The following HERC3 variants were observed in gnomAD, a reference collection of about 807,000 sequenced individuals.
HERC3 encodes the protein probable E3 ubiquitin-protein ligase HERC3.
A neutral mutation model predicts 129.9 loss-of-function variants in HERC3; 58 were observed. The ratio of observed to expected loss-of-function variants is 0.45; its 90% confidence interval spans 0.36 to 0.56. HERC3 has a LOEUF of 0.56. Ranked by LOEUF, HERC3 falls within the 20% of genes least tolerant of loss-of-function variation. The probability of loss-of-function intolerance (pLI) is 0.00; values close to 1 mark genes in which losing one functional copy is unlikely to be tolerated. For synonymous variants in HERC3, 430 were observed against 451.0 expected, an observed-to-expected ratio of 0.95 and a Z score of 0.59; for missense variants, 835 against 1,244.2, an observed-to-expected ratio of 0.67 and a Z score of 4.95.
chr4:88,695,355 A>T (rs1734493682), intron 23 of HERC3, among the ~76,000 whole-genome samples: 1 of 152,186 alleles, frequency 6.6e-6, no homozygotes, highest in African/African-American at 2.4e-5. Context: ...AAGGAAGCAA[A>T]TGGCATCTGA....
the HERC3 span, among the ~76,000 whole-genome samples, chr4:88,533,539 T>C: frequency 6.6e-6 from 1 of 152,216 alleles, no homozygotes; most frequent in East Asian, 1.9e-4. Context: ...TACTATCCCC[T>C]GCCCTTTCTC....
intron 12 of HERC3, among the ~76,000 whole-genome samples, chr4:88,665,913 G>A (rs1392234938): frequency 6.6e-6 from 1 of 152,146 alleles, no homozygotes; most frequent in Non-Finnish European, 1.5e-5. Context: ...TCTCAACCAG[G>A]GTGATTTTGC....
the HERC3 span, among the ~76,000 whole-genome samples, chr4:88,579,232 A>AAAAAAAAATATATATATATATAT: frequency 9.6e-6 from 1 of 104,094 alleles, no homozygotes; most frequent in African/African-American, 6.1e-5. Flanking sequence ...AAAAAAAAAA[A>AAAAAAAAATATATATATATATAT]ATATATATAT....
chr4:88,632,445 A>G lies in HERC3; in HGVS notation c.227-17395A>G, dbSNP rs566806907. Among the ~76,000 whole-genome samples the G allele has an allele frequency of 9.8e-5, 15 of 152,350 alleles. No homozygotes were observed. The South Asian group carries it at 1.0e-3, about 11-fold the overall frequency. On this transcript the variant is annotated intron_variant, in intron 3 of 25. Transcript: ENST00000402738. ...ATTTCAACTTGCATGGGAAGAGACA[A>G]TGGATGCCAATGTGGGATAATGTAG... is the stretch of plus-strand genomic sequence containing the variant.
At chr4:88,627,880 G>C (rs1345400275) in intron 3 of HERC3, among the ~76,000 whole-genome samples, 2 of 146,952 alleles carry the variant, frequency 1.4e-5, no homozygotes, top group Non-Finnish European at 3.0e-5. Context: ...CTTCAGCTTG[G>C]GCAACAAAAG....
Position 88,680,213 on chromosome 4 carries a change from A to C in HERC3, c.2317A>C (p.Asn773His). 6.2e-7 allele frequency: 1 copy of C among 1,608,306 alleles called. No homozygotes were observed. Among genetic ancestry groups the C allele is most frequent in the Non-Finnish European group, 8.5e-7 (1 of 1,177,804 alleles). Residue 773 changes from asparagine to histidine, a missense_variant, in exon 20 of 26, where the codon AAT (asparagine) becomes CAT (histidine). Asn to His is a moderately conservative substitution (Grantham distance 68). Coordinates refer to ENST00000402738, the MANE Select transcript of HERC3 (RefSeq NM_014606.3). ...AATGTTTACCTACTATCAAGATTCA[A>C]ATCTCTTGTGGTTTTCAGACACGGT... The part of the protein sequence containing the change: ...YGMFTYYQDS[N>H]LLWFSDTCFV...
the HERC3 span, among the ~76,000 whole-genome samples, chr4:88,582,225 T>TA: frequency 2.6e-5 from 4 of 151,846 alleles, no homozygotes; most frequent in Non-Finnish European, 5.9e-5. Context: ...ATTGAAGCTT[T>TA]AAAAAAAATT....
At chr4:88,644,404 T>C (rs1435648374) in intron 3 of HERC3, among the ~76,000 whole-genome samples, 1 of 152,210 alleles carries the variant, frequency 6.6e-6, no homozygotes, top group East Asian at 1.9e-4. Context: ...TCATCCATTA[T>C]ACAGTGGAAT....
At chr4:88,553,769 A>T in the HERC3 span, among the ~76,000 whole-genome samples, 4 of 152,118 alleles carry the variant, frequency 2.6e-5, no homozygotes, top group Non-Finnish European at 2.9e-5. Flanking sequence ...ATCTCTTGAC[A>T]TCATGGCCTG....
chr4:88,628,690 C>G (rs559840262), intron 3 of HERC3, among the ~76,000 whole-genome samples: 14 of 152,290 alleles, frequency 9.2e-5, no homozygotes, highest in African/African-American at 3.4e-4. Flanking sequence ...GCAAGCCCCT[C>G]TGGAAGCATC....
chr4:88,596,203 C>G (rs1337641872), intron 2 of HERC3, among the ~76,000 whole-genome samples: 2 of 152,058 alleles, frequency 1.3e-5, no homozygotes, highest in Admixed American at 1.3e-4. Flanking sequence ...GCCTTAGCTG[C>G]CATTAAAATG....
the HERC3 span, among the ~76,000 whole-genome samples, chr4:88,555,477 A>C: frequency 1.3e-5 from 2 of 152,072 alleles, no homozygotes; most frequent in Non-Finnish European, 2.9e-5. Context: ...TAACATGGAG[A>C]AATTTTGTTT....
rs1336673525 is a variant in HERC3 at position 88,704,863 on chromosome 4, C to CTTTCTTTCTTTTTTTTT, written c.2944+256_2944+257insCTTTCTTTTTTTTTTTT. The stretch of plus-strand genomic sequence containing the variant: ...TCACTGATTTTTCTTTTCTTTCTTT[C>CTTTCTTTCTTTTTTTTT]TTTTTTTTTTTTTTTGAGACAGAGT... On this transcript the variant is annotated intron_variant, in intron 25 of 25. Coordinates refer to ENST00000402738, the MANE Select transcript of HERC3 (RefSeq NM_014606.3). 2.3e-5 allele frequency among the ~76,000 whole-genome samples: 3 copies of CTTTCTTTCTTTTTTTTT among 130,670 alleles called. No individual in the cohort carries two copies. The East Asian group carries it at 7.0e-4, about 31-fold the overall frequency. 85.7% of individuals were successfully genotyped at this position (130,670 alleles called of 152,430 possible).
chr4:88,646,138 T>A (rs1728664778), intron 3 of HERC3, among the ~76,000 whole-genome samples: 1 of 152,174 alleles, frequency 6.6e-6, no homozygotes, highest in African/African-American at 2.4e-5. Context: ...AATTACATCC[T>A]CTTTCTGAGC....
the HERC3 span, among the ~76,000 whole-genome samples, chr4:88,563,994 A>T: frequency 6.6e-6 from 1 of 152,196 alleles, no homozygotes; most frequent in African/African-American, 2.4e-5. Context: ...GATTTTTATC[A>T]TGAAGAAATG....
chr4:88,653,446 G>T (rs1729512574), intron 6 of HERC3, among the ~76,000 whole-genome samples: 1 of 152,238 alleles, frequency 6.6e-6, no homozygotes, highest in Non-Finnish European at 1.5e-5. Flanking sequence ...GTGTGCAAAG[G>T]TGCTCATGTG....
the HERC3 span, among the ~76,000 whole-genome samples, chr4:88,553,166 A>G: frequency 6.6e-6 from 1 of 152,230 alleles, no homozygotes; most frequent in Non-Finnish European, 1.5e-5. Flanking sequence ...AATAGAAATC[A>G]TAAGTAGACA....
intron 20 of HERC3, chr4:88,680,912 A>C (rs1732707081): frequency 1.9e-6 from 1 of 515,682 alleles, no homozygotes; most frequent in African/African-American, 2.1e-5. Flanking sequence ...GTTCTGTTGG[A>C]TGGCCCTGCT....
chr4:88,537,286 C>G, the HERC3 span, among the ~76,000 whole-genome samples: 1 of 152,176 alleles, frequency 6.6e-6, no homozygotes, highest in Non-Finnish European at 1.5e-5. Context: ...TCATTCATCT[C>G]TTGTAATCTG....
Sources: allele counts gnomAD v4.1 joint callset (sites outside exome capture counted in the v4.1 genomes callset), GRCh38; gene constraint gnomAD v4.1.1; transcripts MANE v1.5; gene names NCBI Gene and HGNC (gene_info 2026-07-23, HGNC 2026-07-21).